SHISA6: variants seen among roughly 807,000 people sequenced by gnomAD.
SHISA6 encodes protein shisa-6.
In SHISA6, 22 loss-of-function variants were observed where a neutral mutation model predicts 47.9. The observed-to-expected ratio is 0.46, with a 90% CI of 0.33 to 0.66. The LOEUF is 0.66. SHISA6 is among the 30% of genes least tolerant of loss of function. SHISA6 has a pLI of 0.02. For missense variants in SHISA6, 680 were observed against 764.6 expected (o/e 0.89, Z 1.30); for synonymous variants, 388 against 337.8 (o/e 1.15, Z -1.63).
chr17:11,472,764 T>TG (rs1915963450), intron 3 of SHISA6, among the ~76,000 whole-genome samples: 1 of 152,196 alleles, frequency 6.6e-6, no homozygotes, highest in Non-Finnish European at 1.5e-5. Flanking sequence ...TCTCCCAAAG[T>TG]GGTCATACCA....
In SHISA6 at chr17:11,242,021, A is replaced by G; in HGVS notation, c.599A>G (p.Asp200Gly). ...GGCGTCTTCGCCAAGGTCTCCTACG[A>G]CAAGGCCCACCGCCCTCCACGGGAG... ...VAGVFAKVSY[D>G]KAHRPPREMN... The change falls in exon 1 of 6, where the codon GAC becomes GGC. Residue 200 changes from aspartate to glycine, a missense_variant. By Grantham distance (94) the Asp-to-Gly change is moderately conservative (BLOSUM62 -1). This residue lies in a region of SHISA6 where 559 missense variants were observed against 674.1 expected (regional missense o/e 0.83). Transcript: ENST00000441885. 1 of 1,550,928 alleles carries G rather than the reference A, an allele frequency of 6.4e-7. No individual in the cohort carries two copies. The highest frequency in any genetic ancestry group is 1.2e-5 in the South Asian group (1 of 84,052).
intron 3 of SHISA6, among the ~76,000 whole-genome samples, chr17:11,453,914 C>T (rs1454363739): frequency 1.3e-5 from 2 of 152,162 alleles, no homozygotes; most frequent in Non-Finnish European, 2.9e-5. Flanking sequence ...ACGTACTACA[C>T]TCTGTTTATC....
intron 2 of SHISA6, among the ~76,000 whole-genome samples, chr17:11,376,216 G>A (rs1912793302): frequency 6.6e-6 from 1 of 152,040 alleles, no homozygotes; most frequent in Non-Finnish European, 1.5e-5. Context: ...ATATAATCAT[G>A]AGTTCATATC....
intron 3 of SHISA6, among the ~76,000 whole-genome samples, chr17:11,409,896 G>A (rs1298990665): frequency 6.6e-6 from 1 of 152,110 alleles, no homozygotes; most frequent in African/African-American, 2.4e-5. Context: ...GACCTAACAT[G>A]TTGCTTCTGA....
chr17:11,347,629 G>T (rs1363118646), intron 2 of SHISA6, among the ~76,000 whole-genome samples: 1 of 152,190 alleles, frequency 6.6e-6, no homozygotes, highest in African/African-American at 2.4e-5. Context: ...TCAATTGCAA[G>T]CTGGATTTCA....
intron 2 of SHISA6, among the ~76,000 whole-genome samples, chr17:11,347,503 C>T (rs539326495): frequency 6.6e-6 from 1 of 152,264 alleles, no homozygotes; most frequent in South Asian, 2.1e-4. Flanking sequence ...ATACATATTT[C>T]ACATGTATTA....
chr17:11,284,071 G>T (rs564379105), intron 2 of SHISA6, among the ~76,000 whole-genome samples: 46 of 152,074 alleles, frequency 3.0e-4, no homozygotes, highest in African/African-American at 1.0e-3. Flanking sequence ...CACACACACA[G>T]ACATACACAC....
intron 2 of SHISA6, among the ~76,000 whole-genome samples, chr17:11,375,334 A>G (rs1013816892): frequency 2.0e-5 from 3 of 151,848 alleles, no homozygotes; most frequent in African/African-American, 4.8e-5. Context: ...CACAGTTTTT[A>G]TCTCTTTGTC....
intron 2 of SHISA6, among the ~76,000 whole-genome samples, chr17:11,376,069 C>G (rs1262804598): frequency 1.3e-5 from 2 of 152,160 alleles, no homozygotes; most frequent in African/African-American, 2.4e-5. Flanking sequence ...ATGGTTGTTT[C>G]TCTTGAACTG....
At chr17:11,255,349 GGAAA>G (rs945894004) in intron 1 of SHISA6, among the ~76,000 whole-genome samples, 6 of 151,942 alleles carry the variant, frequency 3.9e-5, no homozygotes, top group African/African-American at 7.3e-5. Context: ...GAGGAAAGAA[GGAAA>G]GAAAAGGAAG....
At chr17:11,262,202 T>C (rs1908256230) in intron 1 of SHISA6, among the ~76,000 whole-genome samples, 2 of 152,332 alleles carry the variant, frequency 1.3e-5, no homozygotes, top group East Asian at 1.9e-4. Flanking sequence ...CACAATTTAC[T>C]CAGATGCATT....
rs370243614 is a variant in SHISA6 at position 11,434,042 on chromosome 17, A to G, written c.895+54533A>G. On this transcript the variant is annotated intron_variant, in intron 3 of 5. Coordinates refer to ENST00000441885, the MANE Select transcript of SHISA6 (RefSeq NM_207386.4). ...ATATCCCAGGACACTCCTTGTTTGG[A>G]AACATTTTTTCTTTTTTCTCTCTTT... is the stretch of plus-strand genomic sequence containing the variant. Among the ~76,000 whole-genome samples, 340 of 151,750 alleles carry G rather than the reference A, an allele frequency of 2.2e-3. 2 individuals are homozygous for G. The highest frequency in any genetic ancestry group is 6.4e-3 in the African/African-American group (263 of 41,340).
intron 3 of SHISA6, among the ~76,000 whole-genome samples, chr17:11,474,803 ACT>A (rs56741303): frequency 0.065 from 9,917 of 152,190 alleles, 393 homozygotes; most frequent in Non-Finnish European, 0.089. Context: ...CTACTTCAGT[ACT>A]GTGTTGGCAA....
chr17:11,557,309 T>C (rs1005642603), intron 5 of SHISA6, among the ~76,000 whole-genome samples: 12 of 152,218 alleles, frequency 7.9e-5, no homozygotes, highest in African/African-American at 2.2e-4. Flanking sequence ...GTAAGACAGA[T>C]AGTCATTCTG....
chr17:11,413,498 G>A (rs949067683), intron 3 of SHISA6, among the ~76,000 whole-genome samples: 2 of 152,172 alleles, frequency 1.3e-5, no homozygotes, highest in Non-Finnish European at 2.9e-5. Context: ...TTACTGCTGT[G>A]TCCAAACCAC....
intron 2 of SHISA6, 37 bp downstream of exon 2, chr17:11,263,563 G>C: frequency 6.5e-7 from 1 of 1,550,044 alleles, no homozygotes; most frequent in South Asian, 1.2e-5. Flanking sequence ...CTTTGCTGAG[G>C]CTGGTGAGAG....
At chr17:11,305,814 C>T (rs563139666) in intron 2 of SHISA6, among the ~76,000 whole-genome samples, 3 of 152,126 alleles carry the variant, frequency 2.0e-5, no homozygotes, top group Admixed American at 6.5e-5. Flanking sequence ...GCTTATGTCT[C>T]GGAGCGGAGG....
chr17:11,307,332 C>T (rs1314702038), intron 2 of SHISA6, among the ~76,000 whole-genome samples: 1 of 152,064 alleles, frequency 6.6e-6, no homozygotes, highest in Non-Finnish European at 1.5e-5. Context: ...AGCTCTGCTC[C>T]ATGCATTAGC....
chr17:11,412,622 A>G (rs779116769), intron 3 of SHISA6, among the ~76,000 whole-genome samples: 3 of 151,640 alleles, frequency 2.0e-5, no homozygotes, highest in African/African-American at 7.3e-5. Flanking sequence ...GCTCACTGCA[A>G]GCTCCACCTC....
Sources: allele counts gnomAD v4.1 joint callset (sites outside exome capture counted in the v4.1 genomes callset), GRCh38; gene constraint gnomAD v4.1.1; regional missense constraint gnomAD v4.1.1; transcripts MANE v1.5; gene names NCBI Gene and HGNC (gene_info 2026-07-23, HGNC 2026-07-21).